Variants in COX7B2 observed in about 807,000 individuals in gnomAD.
COX7B2 encodes cytochrome c oxidase subunit 7B2, mitochondrial.
For missense variants in COX7B2, 109 were observed against 95.9 expected (o/e 1.14, Z -0.57); for synonymous variants, 37 against 32.1 (o/e 1.15, Z -0.51).
chr4:46,804,331 G>A (rs1298635063), intron 2 of COX7B2, among the ~76,000 whole-genome samples: 1 of 152,192 alleles, frequency 6.6e-6, no homozygotes, highest in African/African-American at 2.4e-5. Context: ...GGTTGCCACT[G>A]CTGGCTCTGG....
At chr4:46,775,112 A>T (rs1717083381) in intron 2 of COX7B2, among the ~76,000 whole-genome samples, 1 of 152,114 alleles carries the variant, frequency 6.6e-6, no homozygotes, top group African/African-American at 2.4e-5. Context: ...ATACTGCTTG[A>T]TACTTAAACA....
intron 1 of COX7B2, among the ~76,000 whole-genome samples, chr4:46,881,500 C>A (rs762133106): frequency 6.6e-6 from 1 of 152,146 alleles, no homozygotes; most frequent in African/African-American, 2.4e-5. Context: ...TGGTGGCTTA[C>A]GCCTGTAATC....
chr4:46,830,406 T>C (rs2109723225), intron 2 of COX7B2, among the ~76,000 whole-genome samples: 1 of 149,296 alleles, frequency 6.7e-6, no homozygotes, highest in African/African-American at 2.5e-5. Flanking sequence ...TTCTAGGCAA[T>C]GGAAAGTATT....
intron 2 of COX7B2, among the ~76,000 whole-genome samples, chr4:46,770,698 A>G (rs1442473226): frequency 1.3e-5 from 2 of 152,156 alleles, no homozygotes; most frequent in Non-Finnish European, 2.9e-5. Context: ...TTGATCTCCA[A>G]CAAAAGTATC....
intron 1 of COX7B2, among the ~76,000 whole-genome samples, chr4:46,867,685 C>G (rs1717752336): frequency 6.6e-6 from 1 of 152,214 alleles, no homozygotes; most frequent in Admixed American, 6.5e-5. Context: ...CCTCAATAAA[C>G]CTGCTTATGC....
intron 1 of COX7B2, among the ~76,000 whole-genome samples, chr4:46,889,218 T>C (rs982468942): frequency 6.6e-6 from 1 of 152,234 alleles, no homozygotes; most frequent in Non-Finnish European, 1.5e-5. Context: ...ATGGTTCTCA[T>C]ATTTCCTCCT....
At chr4:46,882,513 T>A (rs1460657212) in intron 1 of COX7B2, among the ~76,000 whole-genome samples, 1 of 152,230 alleles carries the variant, frequency 6.6e-6, no homozygotes, top group Non-Finnish European at 1.5e-5. Flanking sequence ...TAGTTAGGTC[T>A]TCTGGTTAAA....
intron 1 of COX7B2, among the ~76,000 whole-genome samples, chr4:46,883,161 T>A (rs1486142950): frequency 1.3e-5 from 2 of 152,236 alleles, no homozygotes; most frequent in Non-Finnish European, 2.9e-5. Context: ...CTGAGTATAA[T>A]TATTTTGGCA....
rs946999314 is a variant in COX7B2 at position 46,883,656 on chromosome 4, T to C, written c.-105+25504A>G. Among the ~76,000 whole-genome samples the C allele has an allele frequency of 2.0e-5, 3 of 152,180 alleles. 1 individual carries two copies. In the South Asian group the frequency reaches 6.2e-4, roughly 32 times the overall value. Reference sequence around the variant, plus strand: ...GGGAGGCTGAAGTGGGAGGATTGCTTGAACCTGGGATGTCAATGTTACAGT... The same window carrying C: ...GGGAGGCTGAAGTGGGAGGATTGCTCGAACCTGGGATGTCAATGTTACAGT... On this transcript the variant is annotated intron_variant, in intron 1 of 2. Coordinates refer to ENST00000355591, the MANE Select transcript of COX7B2 (RefSeq NM_130902.3).
intron 2 of COX7B2, among the ~76,000 whole-genome samples, chr4:46,801,353 AC>A (rs1718647655): frequency 6.6e-6 from 1 of 152,204 alleles, no homozygotes; most frequent in Non-Finnish European, 1.5e-5. Flanking sequence ...TCAACGGTGG[AC>A]TACATAAAGA....
At chr4:46,744,888 C>A (rs1714929900) in intron 2 of COX7B2, among the ~76,000 whole-genome samples, 1 of 151,684 alleles carries the variant, frequency 6.6e-6, no homozygotes, top group African/African-American at 2.4e-5. Flanking sequence ...CGCTGGCACG[C>A]CCGGCTAATT....
At chr4:46,765,582 C>T (rs934929627) in intron 2 of COX7B2, among the ~76,000 whole-genome samples, 1 of 151,960 alleles carries the variant, frequency 6.6e-6, no homozygotes, top group Non-Finnish European at 1.5e-5. Flanking sequence ...CCTGGCCCAA[C>T]AGCAGACAAT....
chr4:46,872,395 G>C (rs373416432), intron 1 of COX7B2, among the ~76,000 whole-genome samples: 2 of 152,078 alleles, frequency 1.3e-5, no homozygotes, highest in African/African-American at 4.8e-5. Context: ...CCTGGGTGAT[G>C]AAGTAATCTG....
chr4:46,852,446 G>GT (rs1716745736), intron 1 of COX7B2, among the ~76,000 whole-genome samples: 1 of 151,628 alleles, frequency 6.6e-6, no homozygotes, highest in African/African-American at 2.4e-5. Context: ...CCTTTTCTGG[G>GT]TAGTGGTGTT....
intron 2 of COX7B2, among the ~76,000 whole-genome samples, chr4:46,770,791 G>C (rs573743053): frequency 1.3e-5 from 2 of 152,086 alleles, no homozygotes; most frequent in Admixed American, 6.6e-5. Flanking sequence ...ATATAAAATT[G>C]GCTCTTTATC....
chr4:46,822,934 C>G (rs1337143306), intron 2 of COX7B2, among the ~76,000 whole-genome samples: 1 of 151,986 alleles, frequency 6.6e-6, no homozygotes, highest in East Asian at 1.9e-4. Flanking sequence ...TTTCTTAAGC[C>G]CATTGGAGAA....
At chr4:46,835,867 G>A (rs1007703980) in intron 2 of COX7B2, among the ~76,000 whole-genome samples, 4 of 152,090 alleles carry the variant, frequency 2.6e-5, no homozygotes, top group Non-Finnish European at 4.4e-5. Flanking sequence ...TATGATACAC[G>A]CTACTGCTCG....
intron 1 of COX7B2, among the ~76,000 whole-genome samples, chr4:46,887,235 G>A (rs531077265): frequency 1.3e-5 from 2 of 152,122 alleles, no homozygotes; most frequent in African/African-American, 2.4e-5. Context: ...ACCCTAAAGG[G>A]TATGGGCAAA....
At chr4:46,887,749 G>T (rs931785562) in intron 1 of COX7B2, among the ~76,000 whole-genome samples, 13 of 145,308 alleles carry the variant, frequency 8.9e-5, no homozygotes, top group African/African-American at 2.3e-4. Context: ...ATCCTATACA[G>T]AGACAAGACA....
Sources: allele counts gnomAD v4.1 joint callset (sites outside exome capture counted in the v4.1 genomes callset), GRCh38; gene constraint gnomAD v4.1.1; transcripts MANE v1.5; gene names NCBI Gene and HGNC (gene_info 2026-07-23, HGNC 2026-07-21).